FRK: variants seen among roughly 807,000 people sequenced by gnomAD.
FRK encodes the protein tyrosine-protein kinase FRK.
In FRK, 51 loss-of-function variants were observed where a neutral mutation model predicts 56.4. The ratio of observed to expected loss-of-function variants is 0.90; its 90% CI spans 0.72 to 1.14. FRK has a LOEUF of 1.14. Ranked by LOEUF, FRK falls within the 50% of genes most tolerant of loss-of-function variation. The pLI is 0.00. For missense variants in FRK, 570 were observed against 601.4 expected (o/e 0.95, Z 0.55); for synonymous variants, 245 against 217.9 (o/e 1.12, Z -1.10).
intron 2 of FRK, 64 bp from the exon 3 acceptor site, chr6:115,968,803 T>A: frequency 7.1e-7 from 1 of 1,408,282 alleles, no homozygotes; most frequent in South Asian, 1.3e-5. Flanking sequence ...TTATTTACTT[T>A]GTGGTGACAT....
chr6:115,992,428 A>T (rs1272004268), intron 2 of FRK, among the ~76,000 whole-genome samples: 1 of 151,854 alleles, frequency 6.6e-6, no homozygotes, highest in Non-Finnish European at 1.5e-5. Flanking sequence ...AACACAAATG[A>T]AAGTGCTATG....
intron 4 of FRK, among the ~76,000 whole-genome samples, chr6:115,957,884 T>C (rs1773069944): frequency 6.6e-6 from 1 of 152,218 alleles, no homozygotes; most frequent in African/African-American, 2.4e-5. Context: ...CATTGTAAGA[T>C]CATTACCAAG....
intron 2 of FRK, among the ~76,000 whole-genome samples, chr6:115,981,684 T>G (rs970623613): frequency 6.6e-6 from 1 of 152,048 alleles, no homozygotes; most frequent in African/African-American, 2.4e-5. Flanking sequence ...AACATGAAAG[T>G]CATACAGAAA....
chr6:116,022,603 T>C (rs1775916286), intron 1 of FRK, among the ~76,000 whole-genome samples: 2 of 152,152 alleles, frequency 1.3e-5, no homozygotes, highest in African/African-American at 4.8e-5. Flanking sequence ...AGTCAACATC[T>C]ATTCATGATT....
intron 2 of FRK, among the ~76,000 whole-genome samples, chr6:115,992,040 C>G (rs1774632209): frequency 6.6e-6 from 1 of 151,502 alleles, no homozygotes; most frequent in South Asian, 2.1e-4. Context: ...GACTGTGCTT[C>G]TTTGAATCTT....
the FRK span, among the ~76,000 whole-genome samples, chr6:116,071,691 C>A: frequency 6.6e-6 from 1 of 152,140 alleles, no homozygotes; most frequent in Non-Finnish European, 1.5e-5. Flanking sequence ...TTTCAGTAGT[C>A]CTTGAGGCTT....
At chr6:116,039,943 TA>T (rs1170576390) in intron 1 of FRK, among the ~76,000 whole-genome samples, 1,401 of 105,738 alleles carry the variant, frequency 0.013, 21 homozygotes, top group Non-Finnish European at 0.016. Context: ...CACCTGGCAC[TA>T]AAAAAAAAAA....
At chr6:116,072,285 T>C in the FRK span, among the ~76,000 whole-genome samples, 32 of 152,078 alleles carry the variant, frequency 2.1e-4, no homozygotes, top group Admixed American at 1.9e-3. Context: ...TAAATAAATA[T>C]ATGTTGAGTG....
At chr6:115,960,448 G>A (rs1773306440) in intron 4 of FRK, among the ~76,000 whole-genome samples, 1 of 150,362 alleles carries the variant, frequency 6.7e-6, no homozygotes, top group African/African-American at 2.4e-5. Context: ...CAAACTGCAA[G>A]GCGGCAGCGA....
intron 6 of FRK, among the ~76,000 whole-genome samples, chr6:115,943,984 A>G (rs1772315197): frequency 6.6e-6 from 1 of 152,170 alleles, no homozygotes; most frequent in African/African-American, 2.4e-5. Context: ...TACTAACTGA[A>G]AAATAGATCA....
the FRK span, among the ~76,000 whole-genome samples, chr6:116,096,033 C>A: frequency 6.6e-6 from 1 of 152,190 alleles, no homozygotes; most frequent in Non-Finnish European, 1.5e-5. Context: ...CGCCTTCAGG[C>A]CCTTTATTTT....
chr6:116,003,437 G>T (rs1053626785), intron 2 of FRK, among the ~76,000 whole-genome samples: 4 of 151,972 alleles, frequency 2.6e-5, no homozygotes, highest in Non-Finnish European at 5.9e-5. Context: ...ACATATTATG[G>T]GGTTAATCAC....
chr6:115,981,604 T>A (rs755509503), intron 2 of FRK, among the ~76,000 whole-genome samples: 1 of 152,112 alleles, frequency 6.6e-6, no homozygotes, highest in Non-Finnish European at 1.5e-5. Flanking sequence ...AGGGAAAATC[T>A]CAGGACTCAA....
At chr6:116,052,585 A>T (rs1308826935) in intron 1 of FRK, among the ~76,000 whole-genome samples, 1 of 152,172 alleles carries the variant, frequency 6.6e-6, no homozygotes, top group Non-Finnish European at 1.5e-5. Flanking sequence ...AAGGGTGCTA[A>T]CAACTCTAGG....
chr6:115,978,709 T>C (rs753658345), intron 2 of FRK, among the ~76,000 whole-genome samples: 15 of 152,188 alleles, frequency 9.9e-5, no homozygotes, highest in Non-Finnish European at 2.2e-4. Context: ...AGTGACCTCA[T>C]TGTGCTACCA....
intron 1 of FRK, among the ~76,000 whole-genome samples, chr6:116,025,548 A>G (rs907534245): frequency 3.3e-5 from 5 of 152,188 alleles, no homozygotes; most frequent in African/African-American, 9.7e-5. Flanking sequence ...TACCTAGACC[A>G]TAAATATGTT....
chr6:116,034,584 T>C (rs2114770700), intron 1 of FRK, among the ~76,000 whole-genome samples: 1 of 152,056 alleles, frequency 6.6e-6, no homozygotes, highest in South Asian at 2.1e-4. Flanking sequence ...GGAAATAAAT[T>C]GCAAGGAAAC....
chr6:116,088,553 A>C, the FRK span, among the ~76,000 whole-genome samples: 1 of 152,262 alleles, frequency 6.6e-6, no homozygotes, highest in Non-Finnish European at 1.5e-5. Context: ...ATAATTGTAC[A>C]CTACAGAGTA....
intron 2 of FRK, among the ~76,000 whole-genome samples, chr6:115,991,611 T>C (rs1774609560): frequency 6.6e-6 from 1 of 151,668 alleles, no homozygotes; most frequent in Non-Finnish European, 1.5e-5. Context: ...CATTTATTCC[T>C]GAAATAAAAC....
Sources: allele counts gnomAD v4.1 joint callset (sites outside exome capture counted in the v4.1 genomes callset), GRCh38; gene constraint gnomAD v4.1.1; transcripts MANE v1.5; gene names NCBI Gene and HGNC (gene_info 2026-07-23, HGNC 2026-07-21).